The following HCN1 variants were observed in gnomAD, a reference collection of about 807,000 sequenced individuals.
HCN1 encodes hyperpolarization activated cyclic nucleotide gated potassium channel 1.
Under a neutral mutation model 78.9 loss-of-function variants are expected in HCN1, and 13 were observed. That is an observed-to-expected ratio of 0.16 (90% CI 0.11 to 0.26). HCN1 has a LOEUF of 0.26. HCN1 is among the 10% of genes least tolerant of loss of function. HCN1 has a pLI of 1.00. For synonymous variants in HCN1, 552 were observed against 455.5 expected (o/e 1.21, Z -2.70); for missense variants, 810 against 1,154.3 (o/e 0.70, Z 4.32).
At chr5:45,480,180 A>G (rs973399334) in intron 2 of HCN1, 2 of 152,524 alleles carry the variant, frequency 1.3e-5, no homozygotes, top group African/African-American at 4.8e-5. Flanking sequence ...ACATCACCAA[A>G]TTGCATTTAT....
At chr5:45,372,064 AT>A (rs372903454) in intron 4 of HCN1, among the ~76,000 whole-genome samples, 8,197 of 51,872 alleles carry the variant, frequency 0.16, 1,230 homozygotes, top group African/African-American at 0.37. Context: ...ATATAATTAT[AT>A]TATATATTAT....
chr5:45,473,319 T>C (rs1741439210), intron 2 of HCN1, among the ~76,000 whole-genome samples: 1 of 151,962 alleles, frequency 6.6e-6, no homozygotes. Flanking sequence ...GATATTGGCG[T>C]ATTTCTAGAT....
At chr5:45,558,691 A>G (rs1360598202) in intron 2 of HCN1, 1 of 152,092 alleles carries the variant, frequency 6.6e-6, no homozygotes, top group African/African-American at 2.4e-5. Flanking sequence ...CTTAAAAATT[A>G]TGCTCAATCT....
At chr5:45,457,546 G>C (rs1339772604) in intron 3 of HCN1, among the ~76,000 whole-genome samples, 1 of 152,062 alleles carries the variant, frequency 6.6e-6, no homozygotes, top group African/African-American at 2.4e-5. Flanking sequence ...GTTGTGTTTT[G>C]CAAGTCAGTA....
At position 45,524,674 on chromosome 5, in the gene HCN1, A is replaced by G. The variant is rs1274869283; in HGVS notation, c.850-62667T>C. ...CTCTCTGTTTGTCTGTTATTGGTGTATAAGAATGCTTGTGATTTTTGTACA... is the reference window on the plus strand; with the variant it reads ...CTCTCTGTTTGTCTGTTATTGGTGTGTAAGAATGCTTGTGATTTTTGTACA... On this transcript the variant is annotated intron_variant, in intron 2 of 7. Transcript: ENST00000303230. Among the ~76,000 whole-genome samples the G allele has an allele frequency of 1.1e-4, 17 of 152,184 alleles. No homozygotes were observed. The East Asian group carries it at 3.1e-3, about 28-fold the overall frequency.
At chr5:45,469,674 C>A (rs1043089612) in intron 2 of HCN1, among the ~76,000 whole-genome samples, 1 of 151,580 alleles carries the variant, frequency 6.6e-6, no homozygotes, top group African/African-American at 2.4e-5. Context: ...TAAAATTTAT[C>A]CTGAGAATTC....
rs1223627846 is a variant in HCN1 at position 45,265,072 on chromosome 5, C to T, written c.1783+2017G>A. 2.6e-5 allele frequency among the ~76,000 whole-genome samples: 4 copies of T among 152,074 alleles called. No individual in the cohort carries two copies. In the East Asian group the frequency reaches 7.7e-4, roughly 29 times the overall value. On this transcript the variant is annotated intron_variant, in intron 7 of 7. Transcript: ENST00000303230. ...GGGCGTGGCAGTGCACACCTGCAGT[C>T]CCAGCTACTCAGGAGGCTGAGGCAG...
intron 7 of HCN1, among the ~76,000 whole-genome samples, chr5:45,266,761 T>A (rs902097301): frequency 1.3e-5 from 2 of 149,480 alleles, no homozygotes; most frequent in East Asian, 4.0e-4. Flanking sequence ...CAGACGGGAG[T>A]GCAGTGGTAC....
At chr5:45,368,114 G>A (rs1747272080) in intron 4 of HCN1, among the ~76,000 whole-genome samples, 1 of 151,944 alleles carries the variant, frequency 6.6e-6, no homozygotes, top group African/African-American at 2.4e-5. Flanking sequence ...CAATCAATAA[G>A]ATTTTTTGTT....
chr5:45,462,319 G>A (rs1741178912), intron 2 of HCN1, among the ~76,000 whole-genome samples: 1 of 152,072 alleles, frequency 6.6e-6, no homozygotes, highest in Non-Finnish European at 1.5e-5. Context: ...TTTTAGCAAA[G>A]CTACTTTAAA....
At chr5:45,625,301 TCAAAACAAAA>T (rs72161613) in intron 2 of HCN1, among the ~76,000 whole-genome samples, 30,883 of 151,480 alleles carry the variant, frequency 0.2, 3,765 homozygotes, top group East Asian at 0.32. Flanking sequence ...AGACTCTGTC[TCAAAACAAAA>T]CAAAACAAAA....
At chr5:45,299,693 C>T (rs1399286507) in intron 6 of HCN1, among the ~76,000 whole-genome samples, 1 of 151,930 alleles carries the variant, frequency 6.6e-6, no homozygotes, top group African/African-American at 2.4e-5. Flanking sequence ...GGGAATCAAA[C>T]ACAAGTGGCT....
intron 2 of HCN1, among the ~76,000 whole-genome samples, chr5:45,500,603 C>T (rs1486312875): frequency 6.6e-6 from 1 of 151,996 alleles, no homozygotes; most frequent in Non-Finnish European, 1.5e-5. Context: ...TTAAATAACC[C>T]ATAATATCTG....
chr5:45,542,698 G>C (rs377435266), intron 2 of HCN1, among the ~76,000 whole-genome samples: 2 of 152,122 alleles, frequency 1.3e-5, no homozygotes, highest in Non-Finnish European at 2.9e-5. Context: ...CTTGTCCTGT[G>C]TACTTTCCAG....
intron 5 of HCN1, among the ~76,000 whole-genome samples, chr5:45,338,081 C>G (rs1237911446): frequency 1.3e-5 from 2 of 152,084 alleles, no homozygotes; most frequent in African/African-American, 4.8e-5. Flanking sequence ...TCGGGCTTCA[C>G]AGTATTAAAA....
chr5:45,449,500 A>C (rs112756474), intron 3 of HCN1, among the ~76,000 whole-genome samples: 1 of 152,136 alleles, frequency 6.6e-6, no homozygotes, highest in African/African-American at 2.4e-5. Flanking sequence ...TAAGGAGATT[A>C]GATGTCCCAT....
At chr5:45,501,616 C>G (rs554743398) in intron 2 of HCN1, among the ~76,000 whole-genome samples, 2 of 151,964 alleles carry the variant, frequency 1.3e-5, no homozygotes, top group South Asian at 4.2e-4. Context: ...AATTTTTGTA[C>G]TTTTAGTAGA....
rs538595431 is a variant in HCN1, at chr5:45,348,280, A to G, written c.1377+4820T>C. On this transcript the variant is annotated intron_variant, in intron 5 of 7. Coordinates refer to ENST00000303230, the MANE Select transcript of HCN1 (RefSeq NM_021072.4). ...CCAGCCAAGCTAAGCTTCATAAGTG[A>G]AGGAGAAATAAAATACTTTACAGAC... Among the ~76,000 whole-genome samples, 9 of 152,312 alleles carry G rather than the reference A, an allele frequency of 5.9e-5. 1 individual carries two copies. The East Asian group carries it at 1.7e-3, about 29-fold the overall frequency.
intron 3 of HCN1, among the ~76,000 whole-genome samples, chr5:45,414,507 T>C (rs552160888): frequency 6.6e-5 from 10 of 152,104 alleles, no homozygotes; most frequent in Non-Finnish European, 1.3e-4. Context: ...ATAAAACATG[T>C]TTTCTCTGAA....
Sources: allele counts gnomAD v4.1 joint callset (sites outside exome capture counted in the v4.1 genomes callset), GRCh38; gene constraint gnomAD v4.1.1; transcripts MANE v1.5; gene names NCBI Gene and HGNC (gene_info 2026-07-23, HGNC 2026-07-21).